The following TNFAIP8L3 variants were observed in gnomAD, a reference collection of about 807,000 sequenced individuals.
TNFAIP8L3 encodes tumor necrosis factor alpha-induced protein 8-like protein 3.
Under a neutral mutation model 11.8 loss-of-function variants are expected in TNFAIP8L3, and 7 were observed. The ratio of observed to expected loss-of-function variants is 0.59; its 90% CI spans 0.34 to 1.11. The LOEUF is 1.11. Among genes scored for constraint, TNFAIP8L3 ranks in the 50% most tolerant of loss-of-function variants. TNFAIP8L3 has a pLI of 0.03. For missense variants in TNFAIP8L3, 219 were observed against 258.6 expected, an observed-to-expected ratio of 0.85 and a Z score of 1.05; for synonymous variants, 98 against 103.8, an observed-to-expected ratio of 0.94 and a Z score of 0.34.
rs192497643 is a variant in TNFAIP8L3 at position 51,061,421 on chromosome 15, G to A, written c.53-2978C>T. Among the ~76,000 whole-genome samples the A allele has an allele frequency of 2.0e-5, 3 of 152,342 alleles. No homozygotes were observed. In the East Asian group the frequency reaches 5.8e-4, roughly 29 times the overall value. ...ATATAATTTCTAGATAATGTAAATA[G>A]TGACATTTTCAAATTAGCCTGTTAA... is the stretch of plus-strand genomic sequence containing the variant. On this transcript the variant is annotated intron_variant, in intron 1 of 1. Transcript: ENST00000637513.
chr15:51,078,052 G>A (rs1463645614), intron 1 of TNFAIP8L3, among the ~76,000 whole-genome samples: 1 of 152,276 alleles, frequency 6.6e-6, no homozygotes, highest in South Asian at 2.1e-4. Context: ...TCCCTGACAT[G>A]TGCTAGGAAC....
At chr15:51,063,073 C>T (rs1409810650) in intron 1 of TNFAIP8L3, among the ~76,000 whole-genome samples, 1 of 152,062 alleles carries the variant, frequency 6.6e-6, no homozygotes, top group Non-Finnish European at 1.5e-5. Context: ...TCCCTGGAGC[C>T]TCCAGGAAAA....
At position 51,087,919 on chromosome 15, in the gene TNFAIP8L3, TTATATATA is replaced by T. The variant is rs6145560; in HGVS notation, c.52+6617_52+6624del. On this transcript the variant is annotated intron_variant, in intron 1 of 1. Transcript: ENST00000637513. Reference sequence around the variant, plus strand: ...AAAATAAAATTTTTCTAGCATACCTTTATATATATATATATATATATATGGGAAGGGGG... The same window carrying T: ...AAAATAAAATTTTTCTAGCATACCTTTATATATATATATATGGGAAGGGGG... Among the ~76,000 whole-genome samples, 276 of 101,546 alleles carry T rather than the reference TTATATATA, an allele frequency of 2.7e-3. 26 individuals carry two copies. The highest frequency in any genetic ancestry group is 9.7e-3 in the African/African-American group (261 of 26,832). The allele number at this position is 101,546 out of a possible 152,430, so 66.6% of individuals were successfully genotyped here.
intron 1 of TNFAIP8L3, among the ~76,000 whole-genome samples, chr15:51,077,740 A>C (rs7170815): frequency 2.6e-5 from 4 of 152,094 alleles, no homozygotes; most frequent in Non-Finnish European, 5.9e-5. Context: ...GCTTAATAAT[A>C]TGCACATGCG....
intron 1 of TNFAIP8L3, among the ~76,000 whole-genome samples, chr15:51,078,328 G>A (rs2065369274): frequency 1.3e-5 from 2 of 151,364 alleles, no homozygotes; most frequent in Admixed American, 6.6e-5. Flanking sequence ...CTGTTTCCGG[G>A]GGGCAGATAT....
intron 1 of TNFAIP8L3, among the ~76,000 whole-genome samples, chr15:51,077,036 T>C (rs144666476): frequency 3.9e-5 from 6 of 152,286 alleles, no homozygotes; most frequent in Admixed American, 6.5e-5. Context: ...GGAATCCTCC[T>C]GCTTCTTTCT....
intron 1 of TNFAIP8L3, among the ~76,000 whole-genome samples, chr15:51,073,915 A>G (rs2065331079): frequency 3.9e-5 from 6 of 152,210 alleles, no homozygotes; most frequent in Admixed American, 3.9e-4. Flanking sequence ...CTTTGTATCC[A>G]CTGAGATGAT....
chr15:51,089,003 GCCATTCTAGCT>G (rs1204740191), intron 1 of TNFAIP8L3, among the ~76,000 whole-genome samples: 2 of 152,216 alleles, frequency 1.3e-5, no homozygotes, highest in African/African-American at 4.8e-5. Context: ...GTTCTGATGA[GCCATTCTAGCT>G]CCAGAGTTCC....
upstream of TNFAIP8L3, among the ~76,000 whole-genome samples, chr15:51,097,347 T>G (rs1034596614): frequency 6.6e-6 from 1 of 152,192 alleles, no homozygotes; most frequent in Non-Finnish European, 1.5e-5. Flanking sequence ...TGCTCATCAG[T>G]CGTCAGGTCT....
chr15:51,061,562 A>AT (rs1209782199), intron 1 of TNFAIP8L3, among the ~76,000 whole-genome samples: 1 of 152,130 alleles, frequency 6.6e-6, no homozygotes, highest in African/African-American at 2.4e-5. Flanking sequence ...GAAATGTTAC[A>AT]TTTTTTTCTC....
intron 1 of TNFAIP8L3, among the ~76,000 whole-genome samples, chr15:51,092,520 A>G (rs1334325919): frequency 6.6e-6 from 1 of 152,216 alleles, no homozygotes; most frequent in Non-Finnish European, 1.5e-5. Flanking sequence ...ATTTAGCAGA[A>G]TGGCTTGTGA....
At chr15:51,095,122 C>T (rs1045344472), upstream of TNFAIP8L3, among the ~76,000 whole-genome samples, 1 of 151,598 alleles carries the variant, frequency 6.6e-6, no homozygotes, top group African/African-American at 2.4e-5. Flanking sequence ...CCGAGTGTTC[C>T]GACTTATGGG....
rs1253094289 is a variant in TNFAIP8L3, at chr15:51,094,005, G to A, written c.52+539C>T. Among the ~76,000 whole-genome samples the A allele has an allele frequency of 2.0e-5, 3 of 152,124 alleles. No homozygotes were observed. Among genetic ancestry groups the A allele is most frequent in the African/African-American group, 7.2e-5 (3 of 41,428 alleles). On this transcript the variant is annotated intron_variant, in intron 1 of 1. Transcript: ENST00000637513. The surrounding 1 kb of genome is among the most constrained non-coding windows in gnomAD (Gnocchi z 4.4). ...CTGGACCTTCTCCGCCGGCTGCGCG[G>A]CAGCGATGGACCCTGTGCATGGGCT...
intron 1 of TNFAIP8L3, among the ~76,000 whole-genome samples, chr15:51,074,103 G>C (rs1232596699): frequency 6.6e-6 from 1 of 152,140 alleles, no homozygotes; most frequent in African/African-American, 2.4e-5. Context: ...AAGTGAGATT[G>C]GTCTATAACT....
At chr15:51,096,954 G>A (rs1351593830), upstream of TNFAIP8L3, among the ~76,000 whole-genome samples, 1 of 150,016 alleles carries the variant, frequency 6.7e-6, no homozygotes, top group Non-Finnish European at 1.5e-5. Context: ...GATACAAGAT[G>A]ATACTCGAAA....
At chr15:51,078,569 G>A (rs900971789) in intron 1 of TNFAIP8L3, among the ~76,000 whole-genome samples, 4 of 151,904 alleles carry the variant, frequency 2.6e-5, no homozygotes, top group Admixed American at 2.6e-4. Flanking sequence ...AGTGTGAGAT[G>A]CCACCCCTGT....
intron 1 of TNFAIP8L3, among the ~76,000 whole-genome samples, chr15:51,088,135 ATTTATGTAGTGTC>A (rs1398191312): frequency 6.6e-6 from 1 of 151,908 alleles, no homozygotes; most frequent in Non-Finnish European, 1.5e-5. Flanking sequence ...AAACAAAGTT[ATTTATGTAGTGTC>A]TTTATAGAGA....
intron 1 of TNFAIP8L3, among the ~76,000 whole-genome samples, chr15:51,102,009 G>T (rs982915083): frequency 1.3e-5 from 2 of 151,340 alleles, no homozygotes; most frequent in South Asian, 4.2e-4. Context: ...TTCCTAGTTA[G>T]ACCTCATTGA....
chr15:51,088,217 G>C (rs2065443514), intron 1 of TNFAIP8L3, among the ~76,000 whole-genome samples: 1 of 151,972 alleles, frequency 6.6e-6, no homozygotes, highest in Non-Finnish European at 1.5e-5. Flanking sequence ...GAACCAGTTA[G>C]GGAACTATGC....
Sources: allele counts gnomAD v4.1 joint callset (sites outside exome capture counted in the v4.1 genomes callset), GRCh38; gene constraint gnomAD v4.1.1; non-coding constraint Gnocchi (gnomAD v3.1); transcripts MANE v1.5; gene names NCBI Gene and HGNC (gene_info 2026-07-23, HGNC 2026-07-21).